The following TOX variants were observed in gnomAD, a reference collection of about 807,000 sequenced individuals.
TOX encodes the protein thymocyte selection associated high mobility group box.
TOX carries 11 observed loss-of-function variants against 53.7 expected under a neutral mutation model. The ratio of observed to expected loss-of-function variants is 0.20; its 90% CI spans 0.13 to 0.34. The LOEUF (loss-of-function observed/expected upper bound fraction) is 0.34, where lower values mean the gene tolerates loss of function less well. TOX is among the 10% of genes least tolerant of loss of function. The pLI is 1.00. For missense variants in TOX, 570 were observed against 664.6 expected, an observed-to-expected ratio of 0.86 and a Z score of 1.56; for synonymous variants, 225 against 245.3, an observed-to-expected ratio of 0.92 and a Z score of 0.77.
intron 3 of TOX, among the ~76,000 whole-genome samples, chr8:58,875,878 G>GT (rs1210812874): frequency 3.3e-5 from 5 of 152,178 alleles, no homozygotes; most frequent in African/African-American, 1.2e-4. Context: ...TTCTGGGACT[G>GT]TATCTTCAGG....
intron 3 of TOX, among the ~76,000 whole-genome samples, chr8:58,853,195 C>A (rs1157260870): frequency 6.6e-6 from 1 of 152,174 alleles, no homozygotes; most frequent in Non-Finnish European, 1.5e-5. Flanking sequence ...GGTTACTTCT[C>A]AGTCTTCACG....
chr8:58,837,093 C>G (rs571719249), intron 5 of TOX, among the ~76,000 whole-genome samples: 70 of 151,990 alleles, frequency 4.6e-4, no homozygotes, highest in African/African-American at 1.5e-3. Context: ...AATATAAACA[C>G]AATATATAGA....
At chr8:58,992,467 G>A (rs1563411512) in intron 1 of TOX, among the ~76,000 whole-genome samples, 1 of 151,914 alleles carries the variant, frequency 6.6e-6, no homozygotes, top group Non-Finnish European at 1.5e-5. Flanking sequence ...CCACATGCAC[G>A]TTTTAGGTGC....
At chr8:58,967,726 A>G (rs961641566) in intron 1 of TOX, among the ~76,000 whole-genome samples, 1 of 152,148 alleles carries the variant, frequency 6.6e-6, no homozygotes, top group African/African-American at 2.4e-5. Flanking sequence ...GTTGTTGCAA[A>G]GCTATGGCCA....
In TOX at chr8:58,815,359, T is replaced by C. The variant is rs1445013783; in HGVS notation, c.1371A>G (p.Leu457=). Residue 457 remains leucine (L), a synonymous_variant, in exon 7 of 9, where the codon TTA becomes TTG. Coordinates refer to ENST00000361421, the MANE Select transcript of TOX (RefSeq NM_014729.3). ...NQLPMQVQSA[L]HSPTMQQGFT... ...TTACTTGCTGCATGGTGGGTGAGTG[T>C]AAGGCAGACTGGACCTGCATGGGGA... The C allele has an allele frequency of 6.2e-6, 10 of 1,606,464 alleles. No homozygotes were observed. The highest frequency in any genetic ancestry group is 8.5e-6 in the Non-Finnish European group (10 of 1,176,540).
chr8:59,012,027 G>A (rs575589580), intron 1 of TOX, among the ~76,000 whole-genome samples: 5 of 152,012 alleles, frequency 3.3e-5, no homozygotes, highest in African/African-American at 9.6e-5. Flanking sequence ...AATCATTTCC[G>A]GGTCAGGCAA....
intron 1 of TOX, among the ~76,000 whole-genome samples, chr8:58,974,247 T>A (rs1346912026): frequency 3.3e-5 from 5 of 152,176 alleles, no homozygotes; most frequent in Non-Finnish European, 2.9e-5. Flanking sequence ...CCATACACCC[T>A]ACACTGCCCA....
intron 1 of TOX, among the ~76,000 whole-genome samples, chr8:59,094,178 T>TA (rs1295415028): frequency 6.6e-6 from 1 of 152,228 alleles, no homozygotes; most frequent in African/African-American, 2.4e-5. Flanking sequence ...ATAAAAATAG[T>TA]AAAAAAATGG....
At chr8:58,890,610 G>A (rs1282618608) in intron 3 of TOX, among the ~76,000 whole-genome samples, 16 of 152,128 alleles carry the variant, frequency 1.1e-4, no homozygotes, top group South Asian at 2.1e-4. Flanking sequence ...ATAACTCCAG[G>A]GGGCTATGAG....
intron 4 of TOX, among the ~76,000 whole-genome samples, chr8:58,840,837 G>C (rs1266644604): frequency 2.1e-5 from 1 of 48,096 alleles, no homozygotes; most frequent in African/African-American, 3.4e-4. Context: ...GAATCCAGTG[G>C]ATGCTTGATG....
chr8:59,102,692 A>G (rs1224809364), intron 1 of TOX, among the ~76,000 whole-genome samples: 1 of 152,192 alleles, frequency 6.6e-6, no homozygotes, highest in Non-Finnish European at 1.5e-5. Flanking sequence ...GTGGGGACAC[A>G]GAGCCAAACC....
chr8:58,948,107 G>A (rs1180311230), intron 2 of TOX, among the ~76,000 whole-genome samples: 3 of 152,170 alleles, frequency 2.0e-5, no homozygotes, highest in Admixed American at 6.6e-5. Flanking sequence ...ACTTGAACCT[G>A]CCCCAGAGAA....
At chr8:59,023,780 C>T (rs140113619) in intron 1 of TOX, among the ~76,000 whole-genome samples, 6 of 152,234 alleles carry the variant, frequency 3.9e-5, no homozygotes, top group East Asian at 1.9e-4. Flanking sequence ...GCCAGATAAA[C>T]GGGTTCCTGT....
At chr8:58,834,849 T>C (rs1810520937) in intron 5 of TOX, among the ~76,000 whole-genome samples, 1 of 152,168 alleles carries the variant, frequency 6.6e-6, no homozygotes, top group Non-Finnish European at 1.5e-5. Flanking sequence ...GCAGCCTCAC[T>C]CTCTTGGTTA....
At chr8:58,809,064 A>AG (rs1216385003) in intron 7 of TOX, among the ~76,000 whole-genome samples, 1 of 152,264 alleles carries the variant, frequency 6.6e-6, no homozygotes, top group Non-Finnish European at 1.5e-5. Context: ...TGAAGTGTAT[A>AG]GCTATATCTG....
chr8:59,096,789 T>G (rs1196170953), intron 1 of TOX, among the ~76,000 whole-genome samples: 2 of 152,168 alleles, frequency 1.3e-5, no homozygotes, highest in African/African-American at 4.8e-5. Flanking sequence ...TGAGTGTTGC[T>G]GGCGTCCTCC....
chr8:58,968,406 C>T (rs138292784), intron 1 of TOX, among the ~76,000 whole-genome samples: 403 of 152,182 alleles, frequency 2.6e-3, no homozygotes, highest in African/African-American at 5.2e-3. Context: ...AAAACTATAC[C>T]GTATAGTTGA....
chr8:58,933,064 A>C (rs1025228585), intron 3 of TOX, among the ~76,000 whole-genome samples: 1 of 152,160 alleles, frequency 6.6e-6, no homozygotes, highest in African/African-American at 2.4e-5. Flanking sequence ...CCTCATTGTA[A>C]ATTTTCTATA....
At chr8:58,937,640 T>C (rs1188433989) in intron 3 of TOX, among the ~76,000 whole-genome samples, 1 of 152,190 alleles carries the variant, frequency 6.6e-6, no homozygotes, top group East Asian at 1.9e-4. Flanking sequence ...GGTAAATTTG[T>C]TACTAGAAAG....
Sources: allele counts gnomAD v4.1 joint callset (sites outside exome capture counted in the v4.1 genomes callset), GRCh38; gene constraint gnomAD v4.1.1; transcripts MANE v1.5; gene names NCBI Gene and HGNC (gene_info 2026-07-23, HGNC 2026-07-21).